DPP10: variants seen among roughly 807,000 people sequenced by gnomAD.
DPP10 encodes inactive dipeptidyl peptidase 10.
DPP10 carries 33 observed loss-of-function variants against 120.9 expected under a neutral mutation model. The ratio of observed to expected loss-of-function variants is 0.27; its 90% CI spans 0.21 to 0.37. The LOEUF (loss-of-function observed/expected upper bound fraction) is 0.37, where lower values mean the gene tolerates loss of function less well. DPP10 is among the 10% of genes least tolerant of loss of function. The pLI is 1.00. For synonymous variants in DPP10, 337 were observed against 326.1 expected, an observed-to-expected ratio of 1.03 and a Z score of -0.36; for missense variants, 816 against 942.8, an observed-to-expected ratio of 0.87 and a Z score of 1.76.
intron 1 of DPP10, among the ~76,000 whole-genome samples, chr2:114,812,315 A>G (rs779055412): frequency 1.9e-4 from 29 of 152,098 alleles, no homozygotes; most frequent in Non-Finnish European, 3.5e-4. Context: ...CAAGAATTGT[A>G]ACTAGGCTGG....
intron 5 of DPP10, among the ~76,000 whole-genome samples, chr2:115,625,410 G>A (rs2085282690): frequency 2.6e-5 from 4 of 152,144 alleles, no homozygotes; most frequent in Admixed American, 2.6e-4. Flanking sequence ...TTGATATGAA[G>A]TATCTGCAAC....
At chr2:115,459,951 CTTTG>C in intron 3 of DPP10, among the ~76,000 whole-genome samples, 1 of 30,672 alleles carries the variant, frequency 3.3e-5, no homozygotes, top group Admixed American at 4.4e-4. Context: ...ACACACACAC[CTTTG>C]TTTGCATTAT....
At chr2:115,241,144 CTG>C (rs2058257480) in intron 1 of DPP10, among the ~76,000 whole-genome samples, 1 of 152,180 alleles carries the variant, frequency 6.6e-6, no homozygotes, top group South Asian at 2.1e-4. Flanking sequence ...TGGCAGGCAC[CTG>C]TAATTCCAGC....
intron 5 of DPP10, among the ~76,000 whole-genome samples, chr2:115,688,259 A>G (rs2091117860): frequency 6.6e-6 from 1 of 152,210 alleles, no homozygotes; most frequent in Non-Finnish European, 1.5e-5. Flanking sequence ...GAGCGGGAGC[A>G]TAAAGCTTCA....
At chr2:115,002,394 G>T (rs1319317497) in intron 1 of DPP10, among the ~76,000 whole-genome samples, 1 of 152,070 alleles carries the variant, frequency 6.6e-6, no homozygotes, top group Non-Finnish European at 1.5e-5. Context: ...AAACTTAAAT[G>T]TAAAACCTAA....
intron 3 of DPP10, among the ~76,000 whole-genome samples, chr2:115,430,298 A>G (rs1403231634): frequency 1.3e-5 from 2 of 152,192 alleles, no homozygotes; most frequent in Non-Finnish European, 2.9e-5. Context: ...GATTGCTACA[A>G]TGCTGCCAGA....
intron 1 of DPP10, chr2:115,162,077 G>T: frequency 1.3e-6 from 2 of 1,483,888 alleles, no homozygotes. Flanking sequence ...GGTGGCTCCA[G>T]TGCGCGCTCC....
intron 4 of DPP10, among the ~76,000 whole-genome samples, chr2:115,521,126 G>A (rs2077779450): frequency 6.6e-6 from 1 of 152,148 alleles, no homozygotes; most frequent in Non-Finnish European, 1.5e-5. Flanking sequence ...AAAGGTGAAG[G>A]TGGTATAGCA....
At chr2:115,446,320 T>C (rs1461446195) in intron 3 of DPP10, among the ~76,000 whole-genome samples, 1 of 152,052 alleles carries the variant, frequency 6.6e-6, no homozygotes, top group African/African-American at 2.4e-5. Flanking sequence ...GGAAGGGAAA[T>C]GTGGATTTGG....
At chr2:115,639,485 A>AACAT (rs1460661901) in intron 5 of DPP10, among the ~76,000 whole-genome samples, 2 of 152,178 alleles carry the variant, frequency 1.3e-5, no homozygotes, top group African/African-American at 4.8e-5. Flanking sequence ...GCAGTAGACA[A>AACAT]ACATCTGTCC....
At chr2:114,584,567 C>A (rs1293791922) in intron 1 of DPP10, among the ~76,000 whole-genome samples, 2 of 125,696 alleles carry the variant, frequency 1.6e-5, no homozygotes, top group African/African-American at 3.0e-5. Context: ...CACAACAGGC[C>A]CCAGAGTGTG....
intron 1 of DPP10, among the ~76,000 whole-genome samples, chr2:114,782,356 A>G (rs1387755564): frequency 1.3e-5 from 2 of 151,822 alleles, no homozygotes; most frequent in African/African-American, 4.8e-5. Flanking sequence ...TGGAATATAT[A>G]TACACATATA....
rs934668726 is a variant in DPP10 at position 114,739,250 on chromosome 2, C to T, written c.60+296412C>T. Among the ~76,000 whole-genome samples, 5 of 152,224 alleles carry T rather than the reference C, an allele frequency of 3.3e-5. No homozygotes were observed. The East Asian group carries it at 9.6e-4, about 29-fold the overall frequency. On this transcript the variant is annotated intron_variant, in intron 1 of 25. Coordinates refer to ENST00000410059, the MANE Select transcript of DPP10 (RefSeq NM_020868.6). Reference sequence around the variant, plus strand: ...GGATTTTCTAACACCTCTTTCAACCCCTTTTCCACCTATCCATAAGCCCTC... The same window carrying T: ...GGATTTTCTAACACCTCTTTCAACCTCTTTTCCACCTATCCATAAGCCCTC...
rs529551432 is a variant in DPP10 at position 115,694,903 on chromosome 2, C to T, written c.576+4982C>T. Among the ~76,000 whole-genome samples, 154 of 152,180 alleles carry T rather than the reference C, an allele frequency of 1.0e-3. 1 individual carries two copies. The highest frequency in any genetic ancestry group is 3.4e-3 in the African/African-American group (143 of 41,540). Reference sequence around the variant, plus strand: ...AGGAACCAGGATGGACAATGAGGGCCCTGTGATGCAAATAAGTAAGGATTT... The same window carrying T: ...AGGAACCAGGATGGACAATGAGGGCTCTGTGATGCAAATAAGTAAGGATTT... On this transcript the variant is annotated intron_variant, in intron 7 of 25. Transcript: ENST00000410059.
At chr2:115,813,495 CTTAG>C (rs1214743601) in intron 19 of DPP10, among the ~76,000 whole-genome samples, 1 of 152,146 alleles carries the variant, frequency 6.6e-6, no homozygotes, top group Non-Finnish European at 1.5e-5. Context: ...TTCATTTTAA[CTTAG>C]TTACCTTTTT....
At chr2:114,849,959 T>C (rs533878451) in intron 1 of DPP10, among the ~76,000 whole-genome samples, 2 of 151,976 alleles carry the variant, frequency 1.3e-5, no homozygotes, top group African/African-American at 4.8e-5. Context: ...TTTCCTTTCC[T>C]TTGTTTCTTC....
intron 1 of DPP10, among the ~76,000 whole-genome samples, chr2:115,056,857 G>T (rs1705962206): frequency 6.6e-6 from 1 of 152,162 alleles, no homozygotes; most frequent in South Asian, 2.1e-4. Flanking sequence ...CAACAACCCT[G>T]CTCTTTTACC....
intron 1 of DPP10, among the ~76,000 whole-genome samples, chr2:114,690,122 A>G (rs1699639074): frequency 6.6e-6 from 1 of 151,830 alleles, no homozygotes; most frequent in Admixed American, 6.6e-5. Flanking sequence ...TTTTGTTGCA[A>G]TTGCTTTTGT....
At chr2:114,469,968 A>G (rs1446115244) in intron 1 of DPP10, among the ~76,000 whole-genome samples, 1 of 152,258 alleles carries the variant, frequency 6.6e-6, no homozygotes, top group Non-Finnish European at 1.5e-5. Flanking sequence ...ACCAGGGTAA[A>G]GAAACCAAAA....
Sources: gnomAD v4.1 joint callset for allele counts (sites outside exome capture counted in the v4.1 genomes callset) on GRCh38, gnomAD v4.1.1 for gene constraint, MANE v1.5 for transcripts, NCBI Gene and HGNC (gene_info 2026-07-23, HGNC 2026-07-21) for gene names.